TCTN2: variants seen among roughly 807,000 people sequenced by gnomAD.
TCTN2 encodes tectonic-2.
A neutral mutation model predicts 83.4 loss-of-function variants in TCTN2; 66 were observed. The ratio of observed to expected loss-of-function variants is 0.79; its 90% confidence interval spans 0.65 to 0.97. The LOEUF is 0.97. TCTN2 is among the 50% of genes least tolerant of loss of function. The pLI, the probability that TCTN2 is intolerant of heterozygous loss-of-function variation, is 0.00. For missense variants in TCTN2, 794 were observed against 858.1 expected (o/e 0.93, Z 0.93); for synonymous variants, 301 against 326.7 (o/e 0.92, Z 0.85).
intron 2 of TCTN2, 26 bp downstream of exon 2, chr12:123,671,640 G>A (rs1244498137): frequency 6.3e-7 from 1 of 1,598,656 alleles, no homozygotes; most frequent in East Asian, 2.2e-5. Context: ...CTTTTGGGGA[G>A]GGTGGGGGTT....
At chr12:123,682,231 C>A (rs1021612076) in intron 5 of TCTN2, among the ~76,000 whole-genome samples, 9 of 152,146 alleles carry the variant, frequency 5.9e-5, no homozygotes, top group Non-Finnish European at 8.8e-5. Flanking sequence ...CTCAGCCTCC[C>A]AAAGTGCAGG....
rs1956255471 is a variant in TCTN2, at chr12:123,708,162, G to C, written c.*449G>C. The C allele has an allele frequency of 5.2e-6, 1 of 192,660 alleles. No individual in the cohort carries two copies. The highest frequency in any genetic ancestry group is 1.1e-5 in the Non-Finnish European group (1 of 92,926). 11.9% of individuals were successfully genotyped at this position (192,660 alleles called of 1,614,324 possible). A position where few individuals can be genotyped will look rare whatever the true frequency, so the allele number is the denominator to read the frequency against. The stretch of plus-strand genomic sequence containing the variant: ...GACCACAGATGCTCCACCATGCCTG[G>C]CTGTATTTTTGGTAAAGACGGGGTT... On this transcript the variant is annotated 3_prime_UTR_variant, in exon 18 of 18. Coordinates refer to ENST00000303372, the MANE Select transcript of TCTN2 (RefSeq NM_024809.5).
chr12:123,685,652 T>A (rs956569101), intron 5 of TCTN2, among the ~76,000 whole-genome samples: 3 of 151,306 alleles, frequency 2.0e-5, no homozygotes, highest in Middle Eastern at 3.2e-3. Flanking sequence ...CTCCTGACCT[T>A]AGGTGATCCG....
At chr12:123,707,407 A>G (rs1956243437) in intron 17 of TCTN2, among the ~76,000 whole-genome samples, 197 bp from the exon 18 acceptor site, 1 of 151,936 alleles carries the variant, frequency 6.6e-6, no homozygotes, top group South Asian at 2.1e-4. Flanking sequence ...ATGCCTGGCT[A>G]TTTTTGTATT....
rs1593873556 is a variant in TCTN2 at position 123,708,114 on chromosome 12, A to C, written c.*401A>C. ...TCTCTGCCTCCCAAGCAATCCTCCC[A>C]CCTCAGCCTCTGGTGTAGCTGGGAC... On this transcript the variant is annotated 3_prime_UTR_variant, in exon 18 of 18. Coordinates refer to ENST00000303372, the MANE Select transcript of TCTN2 (RefSeq NM_024809.5). 4.6e-6 allele frequency: 1 copy of C among 217,424 alleles called. No individual in the cohort carries two copies. The highest frequency in any genetic ancestry group is 8.6e-6 in the Non-Finnish European group (1 of 116,456). The allele number at this position is 217,424 out of a possible 1,614,324, so 13.5% of individuals were successfully genotyped here. A position where few individuals can be genotyped will look rare whatever the true frequency, so the allele number is the denominator to read the frequency against.
chr12:123,694,779 C>T (rs1391883779), intron 9 of TCTN2, 63 bp from the exon 10 acceptor site: 19 of 1,583,086 alleles, frequency 1.2e-5, no homozygotes, highest in Non-Finnish European at 1.6e-5. Context: ...GAGAGAACCT[C>T]CCAGTAACAG....
intron 14 of TCTN2, chr12:123,700,123 C>T (rs933819249): frequency 2.3e-5 from 10 of 443,716 alleles, no homozygotes; most frequent in African/African-American, 1.4e-4. Context: ...GGGATCCTCC[C>T]GCCTCAGCCT....
Position 123,706,827 on chromosome 12 carries a change from C to T in TCTN2, c.1871C>T (p.Ala624Val). ...TCCGTCCAGTTTATTAAAATTCCTGCACAGTTACCCCACCCCCTGACAAGG... is the reference window on the plus strand; with the variant it reads ...TCCGTCCAGTTTATTAAAATTCCTGTACAGTTACCCCACCCCCTGACAAGG... Reference protein sequence around the residue: ...SASVQFIKIPAQLPHPLTRFQ... With the variant: ...SASVQFIKIPVQLPHPLTRFQ... The change falls in exon 16 of 18, where the codon GCA becomes GTA. Residue 624 changes from alanine to valine, a missense_variant. Physicochemically the swap from Ala to Val is moderately conservative, Grantham distance 64. Transcript: ENST00000303372. 6.2e-7 allele frequency: 1 copy of T among 1,614,148 alleles called. No homozygotes were observed. The highest frequency in any genetic ancestry group is 8.5e-7 in the Non-Finnish European group (1 of 1,180,022).
intron 13 of TCTN2, 125 bp downstream of exon 13, chr12:123,697,323 TA>T (rs1566258981): frequency 1.3e-6 from 1 of 758,570 alleles, no homozygotes; most frequent in Non-Finnish European, 2.4e-6. Flanking sequence ...GTAAAAGTGA[TA>T]ATAAATACAG....
Position 123,707,801 on chromosome 12 carries a change from T to G in TCTN2, c.*88T>G. 1 of 1,019,004 alleles carries G rather than the reference T, an allele frequency of 9.8e-7. No individual in the cohort carries two copies. The highest frequency in any genetic ancestry group is 1.3e-5 in the South Asian group (1 of 77,366). 63.1% of individuals were successfully genotyped at this position (1,019,004 alleles called of 1,614,324 possible). A position where few individuals can be genotyped will look rare whatever the true frequency, so the allele number is the denominator to read the frequency against. On this transcript the variant is annotated 3_prime_UTR_variant, in exon 18 of 18. Coordinates refer to ENST00000303372, the MANE Select transcript of TCTN2 (RefSeq NM_024809.5). ...ATCTCGGCTCACCACAACCTCCTCC[T>G]CTTGGGTTCAAGCGATTCTCCTGCC...
chr12:123,689,140 C>T (rs931712957), intron 7 of TCTN2, among the ~76,000 whole-genome samples: 6 of 152,008 alleles, frequency 3.9e-5, no homozygotes, highest in East Asian at 1.9e-4. Context: ...CAACTCCCTG[C>T]AGCCCTGACC....
In TCTN2 at chr12:123,690,629, C is replaced by T. The variant is rs754596743; in HGVS notation, c.988C>T (p.Arg330Ter). 2.5e-5 allele frequency: 40 copies of T among 1,613,846 alleles called. No individual in the cohort carries two copies. The highest frequency in any genetic ancestry group is 3.3e-5 in the Admixed American group (2 of 59,980). ...TACTAATTTGGAACTATACCAAGAA[C>T]GAGATGGTATTATCAATGCGAAGAT... ...CVTNLELYQERDGIINAKIKN... is the reference protein window; with the variant it reads ...CVTNLELYQE The change falls in exon 8 of 18, where the codon CGA becomes TGA. Residue 330 changes from arginine to a stop codon, truncating the protein, a stop_gained. Transcript: ENST00000303372. LOFTEE classifies it high-confidence loss of function.
rs1956248427 is a variant in TCTN2, at chr12:123,707,755, C to G, written c.*42C>G. ...TATTTTTTTGAGATGGAGTTTTGCT[C>G]TTGTTGCCCAGGCTGAAGTGATCTC... is the stretch of plus-strand genomic sequence containing the variant. On this transcript the variant is annotated 3_prime_UTR_variant, in exon 18 of 18. Coordinates refer to ENST00000303372, the MANE Select transcript of TCTN2 (RefSeq NM_024809.5). 1.3e-6 allele frequency: 2 copies of G among 1,507,800 alleles called. No individual in the cohort carries two copies. Among genetic ancestry groups the G allele is most frequent in the Non-Finnish European group, 9.2e-7 (1 of 1,084,290 alleles). The allele number at this position is 1,507,800 out of a possible 1,614,324, so 93.4% of individuals were successfully genotyped here.
chr12:123,671,921 C>G, intron 2 of TCTN2, 135 bp from the exon 3 acceptor site: 2 of 812,652 alleles, frequency 2.5e-6, no homozygotes, highest in Non-Finnish European at 4.4e-6. Context: ...GAGGTTGTCA[C>G]TGTCCCAGTG....
chr12:123,672,267 C>A, intron 3 of TCTN2, 135 bp downstream of exon 3: 2 of 835,196 alleles, frequency 2.4e-6, no homozygotes, highest in Non-Finnish European at 4.0e-6. Context: ...GCTGTTGGAT[C>A]TGGTAGACAC....
chr12:123,706,656 G>A (rs926830161), intron 15 of TCTN2, 70 bp from the exon 16 acceptor site: 12 of 1,610,062 alleles, frequency 7.5e-6, no homozygotes, highest in South Asian at 5.5e-5. Flanking sequence ...GATTGCATCC[G>A]TTACCTGCTG....
intron 14 of TCTN2, chr12:123,700,079 A>C (rs545631760): frequency 1.9e-6 from 1 of 524,052 alleles, no homozygotes; most frequent in Non-Finnish European, 3.4e-6. Flanking sequence ...TGGTGCAATC[A>C]CAGCTCATTG....
intron 4 of TCTN2, among the ~76,000 whole-genome samples, 190 bp from the exon 5 acceptor site, chr12:123,678,999 G>A (rs1462392171): frequency 2.0e-5 from 3 of 151,970 alleles, no homozygotes; most frequent in Middle Eastern, 3.2e-3. Context: ...GGGTTTCACC[G>A]TGTTAGCCAG....
At chr12:123,673,832 C>T (rs1955787029) in intron 4 of TCTN2, 22 bp downstream of exon 4, 1 of 1,609,768 alleles carries the variant, frequency 6.2e-7, no homozygotes, top group African/African-American at 1.3e-5. Context: ...CTTTGACTGT[C>T]AAAACTTTCA....
Sources: gnomAD v4.1 joint callset for allele counts (sites outside exome capture counted in the v4.1 genomes callset) on GRCh38, gnomAD v4.1.1 for gene constraint, MANE v1.5 for transcripts, NCBI Gene and HGNC (gene_info 2026-07-23, HGNC 2026-07-21) for gene names.